GRB10: variants seen among roughly 807,000 people sequenced by gnomAD.
The protein encoded by GRB10 is growth factor receptor bound protein 10, also known as growth factor receptor-bound protein 10.
In GRB10, 20 loss-of-function variants were observed where a neutral mutation model predicts 80.9. That is an observed-to-expected ratio of 0.25 (90% CI 0.17 to 0.36). The LOEUF is 0.36. GRB10 is among the 10% of genes least tolerant of loss of function. The pLI, the probability that GRB10 is intolerant of heterozygous loss-of-function variation, is 1.00. For synonymous variants in GRB10, 291 were observed against 291.5 expected, an observed-to-expected ratio of 1.00 and a Z score of 0.02; for missense variants, 548 against 747.7, an observed-to-expected ratio of 0.73 and a Z score of 3.12.
At chr7:50,606,936 C>A in intron 13 of GRB10, 45 of 172,330 alleles carry the variant, frequency 2.6e-4, no homozygotes, top group South Asian at 1.1e-3. Flanking sequence ...TTTCTCTGTT[C>A]TTGGGCGCAC....
At chr7:50,731,117 G>A (rs1360555165) in intron 4 of GRB10, among the ~76,000 whole-genome samples, 1 of 152,146 alleles carries the variant, frequency 6.6e-6, no homozygotes, top group Non-Finnish European at 1.5e-5. Context: ...AGAGGGAGAG[G>A]CAGATGCCTG....
At position 50,631,419 on chromosome 7, in the gene GRB10, C is replaced by T. The variant is rs552632872; in HGVS notation, c.505-4441G>A. On this transcript the variant is annotated intron_variant, in intron 7 of 18. Coordinates refer to ENST00000401949, the MANE Select transcript of GRB10 (RefSeq NM_001350814.2). Reference sequence around the variant, plus strand: ...TACCCTGAGACCTTCACACAGAAACCGAGACATCTGAGGGCTTCTGGGCCA... The same window carrying T: ...TACCCTGAGACCTTCACACAGAAACTGAGACATCTGAGGGCTTCTGGGCCA... 1.2e-4 allele frequency among the ~76,000 whole-genome samples: 19 copies of T among 152,264 alleles called. No homozygotes were observed. The South Asian group carries it at 3.5e-3, about 28-fold the overall frequency.
At chr7:50,620,658 G>A (rs952070354) in intron 8 of GRB10, among the ~76,000 whole-genome samples, 2 of 152,332 alleles carry the variant, frequency 1.3e-5, no homozygotes, top group African/African-American at 4.8e-5. Flanking sequence ...CAAGTGTGGA[G>A]CAGTTCCCAT....
intron 5 of GRB10, among the ~76,000 whole-genome samples, chr7:50,698,653 T>C (rs2063749268): frequency 6.6e-6 from 1 of 152,250 alleles, no homozygotes; most frequent in African/African-American, 2.4e-5. Flanking sequence ...CTTTGGTCTA[T>C]TTGTCTGGCC....
intron 7 of GRB10, among the ~76,000 whole-genome samples, chr7:50,645,080 A>T (rs908510892): frequency 9.8e-5 from 15 of 152,372 alleles, no homozygotes; most frequent in Middle Eastern, 6.8e-3. Flanking sequence ...CTATAATTTT[A>T]TTCAATTACA....
At chr7:50,705,353 C>A in intron 4 of GRB10, 3 of 949,412 alleles carry the variant, frequency 3.2e-6, no homozygotes, top group Non-Finnish European at 3.8e-6. Context: ...ACGAACAAAG[C>A]CCTAAGGAAG....
intron 4 of GRB10, among the ~76,000 whole-genome samples, chr7:50,709,345 C>T (rs576971586): frequency 6.6e-6 from 1 of 152,312 alleles, no homozygotes; most frequent in East Asian, 1.9e-4. Flanking sequence ...TGAGCTGCAT[C>T]GACCAACAGC....
rs746080301 is a variant in GRB10 at position 50,619,976 on chromosome 7, T to C, written c.662-691A>G. On this transcript the variant is annotated intron_variant, in intron 8 of 18. Transcript: ENST00000401949. ...CACGCCTCCTTCACAGCATCTTACA[T>C]AGCAGCACTGTCCCCCAGAAAGGGA... 4.1e-4 allele frequency among the ~76,000 whole-genome samples: 63 copies of C among 152,304 alleles called. 1 individual carries two copies. The highest frequency in any genetic ancestry group is 2.1e-4 in the South Asian group (1 of 4,828).
At chr7:50,735,786 C>A (rs1240165811) in intron 3 of GRB10, among the ~76,000 whole-genome samples, 4 of 151,994 alleles carry the variant, frequency 2.6e-5, no homozygotes, top group Non-Finnish European at 5.9e-5. Flanking sequence ...ATTTGGTTTT[C>A]TCTTTTGAAA....
intron 4 of GRB10, chr7:50,710,907 T>G: frequency 6.2e-7 from 1 of 1,612,708 alleles, no homozygotes; most frequent in Non-Finnish European, 8.5e-7. Flanking sequence ...GCAGCTTGCA[T>G]AGGAGGTCTC....
chr7:50,650,277 G>A (rs1240629614), intron 7 of GRB10, among the ~76,000 whole-genome samples: 1 of 152,228 alleles, frequency 6.6e-6, no homozygotes, highest in Non-Finnish European at 1.5e-5. Context: ...AAGGCCCCTT[G>A]ATGAGACCCA....
intron 5 of GRB10, among the ~76,000 whole-genome samples, chr7:50,703,010 G>A (rs770381223): frequency 3.9e-5 from 6 of 152,056 alleles, no homozygotes; most frequent in Admixed American, 1.3e-4. Context: ...CCCTTTCCCC[G>A]CATCATGTCA....
intron 5 of GRB10, among the ~76,000 whole-genome samples, chr7:50,701,160 C>G (rs1292456278): frequency 6.6e-6 from 1 of 152,158 alleles, no homozygotes; most frequent in East Asian, 1.9e-4. Context: ...ATTATATGCA[C>G]ATTCTTTTAG....
chr7:50,673,273 C>G (rs553580870), intron 6 of GRB10, among the ~76,000 whole-genome samples: 9 of 152,256 alleles, frequency 5.9e-5, no homozygotes, highest in African/African-American at 2.2e-4. Flanking sequence ...CGCAAAGGCC[C>G]AGAGAGGCAC....
intron 3 of GRB10, among the ~76,000 whole-genome samples, chr7:50,747,318 C>T (rs4947836): frequency 0.88 from 133,236 of 152,116 alleles, 58,421 homozygotes; most frequent in East Asian, 0.96. Context: ...CGAAGCAGAG[C>T]AGGTCCCCAC....
At chr7:50,735,481 G>C (rs2070645166) in intron 3 of GRB10, among the ~76,000 whole-genome samples, 1 of 152,146 alleles carries the variant, frequency 6.6e-6, no homozygotes, top group African/African-American at 2.4e-5. Flanking sequence ...CTGTGAGCAA[G>C]CTGGCTAAGA....
chr7:50,709,780 G>A (rs1173538700), intron 4 of GRB10, among the ~76,000 whole-genome samples: 3 of 152,122 alleles, frequency 2.0e-5, no homozygotes, highest in African/African-American at 7.2e-5. Context: ...AGGTGGCCTG[G>A]TGTGGCTGGT....
intron 7 of GRB10, among the ~76,000 whole-genome samples, chr7:50,627,515 G>A (rs1019465764): frequency 5.9e-5 from 9 of 152,138 alleles, no homozygotes; most frequent in Non-Finnish European, 1.0e-4. Context: ...AGGGTGGAGT[G>A]GAGATGAATT....
chr7:50,706,102 A>G (rs933386277), intron 4 of GRB10, among the ~76,000 whole-genome samples: 4 of 152,256 alleles, frequency 2.6e-5, no homozygotes, highest in Non-Finnish European at 4.4e-5. Context: ...ATAAATATCT[A>G]ACCTAGAGTA....
Sources: allele counts gnomAD v4.1 joint callset (sites outside exome capture counted in the v4.1 genomes callset), GRCh38; gene constraint gnomAD v4.1.1; transcripts MANE v1.5; gene names NCBI Gene and HGNC (gene_info 2026-07-23, HGNC 2026-07-21).